Variants in STAM observed in about 807,000 individuals in gnomAD.
The protein encoded by STAM is signal transducing adaptor molecule, also known as signal transducing adapter molecule 1.
Under a neutral mutation model 63.4 loss-of-function variants are expected in STAM, and 16 were observed. That is an observed-to-expected ratio of 0.25 (90% CI 0.17 to 0.38). The LOEUF (loss-of-function observed/expected upper bound fraction) is 0.38. STAM is among the 10% of genes least tolerant of loss of function. The pLI, the probability that STAM is intolerant of heterozygous loss-of-function variation, is 1.00. For missense variants in STAM, 636 were observed against 657.1 expected (o/e 0.97, Z 0.35); for synonymous variants, 238 against 223.9 (o/e 1.06, Z -0.56).
chr10:17,696,864 A>C lies in STAM; in HGVS notation c.818A>C (p.Glu273Ala), dbSNP rs782713744. ...FVTADLTAEPEMIKTEKKTVQ... is the reference protein window; with the variant it reads ...FVTADLTAEPAMIKTEKKTVQ... ...ACTGCAGATCTCACTGCTGAACCAG[A>C]AATGAGTAAGTATTTTCCAGCCTGC... The change falls in exon 8 of 14, where the codon GAA (glutamate) becomes GCA (alanine). Residue 273 changes from glutamate (E) to alanine (A), a missense_variant. Coordinates refer to ENST00000377524, the MANE Select transcript of STAM (RefSeq NM_003473.4). 6 of 1,609,578 alleles carry C rather than the reference A, an allele frequency of 3.7e-6. No homozygotes were observed. Among genetic ancestry groups the C allele is most frequent in the Non-Finnish European group, 5.1e-6 (6 of 1,175,942 alleles).
chr10:17,656,123 C>G (rs907465622), intron 1 of STAM, among the ~76,000 whole-genome samples: 14 of 151,856 alleles, frequency 9.2e-5, no homozygotes, highest in Admixed American at 7.9e-4. Flanking sequence ...TGAAACCCGT[C>G]TCTACTAAAA....
At chr10:17,691,458 C>T (rs11813361) in intron 5 of STAM, among the ~76,000 whole-genome samples, 1 of 152,170 alleles carries the variant, frequency 6.6e-6, no homozygotes, top group Non-Finnish European at 1.5e-5. Context: ...GCGGAGCTTG[C>T]AGTGAGCCAA....
At chr10:17,694,918 A>G (rs1554827244) in intron 6 of STAM, 131 bp from the exon 7 acceptor site, 20 of 741,050 alleles carry the variant, frequency 2.7e-5, no homozygotes, top group Non-Finnish European at 4.1e-5. Context: ...TGTTCAATGT[A>G]TCAGGATATG....
intron 6 of STAM, among the ~76,000 whole-genome samples, chr10:17,693,624 A>C (rs1035750605): frequency 6.6e-6 from 1 of 152,192 alleles, no homozygotes; most frequent in Non-Finnish European, 1.5e-5. Flanking sequence ...TTCTCATGCA[A>C]CATTATGTTT....
At chr10:17,647,682 G>A (rs895577880) in intron 1 of STAM, among the ~76,000 whole-genome samples, 1 of 152,114 alleles carries the variant, frequency 6.6e-6, no homozygotes, top group African/African-American at 2.4e-5. Context: ...GAATATAAGA[G>A]TAATAATAGT....
At chr10:17,653,230 C>T (rs1357749232) in intron 1 of STAM, among the ~76,000 whole-genome samples, 1 of 152,132 alleles carries the variant, frequency 6.6e-6, no homozygotes, top group Non-Finnish European at 1.5e-5. Flanking sequence ...TTGTAGAATC[C>T]ATGAAGGTAC....
In STAM at chr10:17,705,807, C is replaced by T. The variant is rs1327320116; in HGVS notation, c.1209+66C>T. ...GCACAGTGAGGTGTGGTAGCTCATG[C>T]CTGTAATCTCAGCAATTTGGGAGGC... On this transcript the variant is annotated intron_variant, in intron 12 of 13. Coordinates refer to ENST00000377524, the MANE Select transcript of STAM (RefSeq NM_003473.4). The T allele has an allele frequency of 2.3e-5, 35 of 1,491,276 alleles. 1 individual carries two copies. In the South Asian group the frequency reaches 3.2e-4, roughly 14 times the overall value. 92.4% of individuals were successfully genotyped at this position (1,491,276 alleles called of 1,614,324 possible).
intron 4 of STAM, 57 bp downstream of exon 4, chr10:17,684,984 T>G: frequency 7.0e-7 from 1 of 1,428,942 alleles, no homozygotes; most frequent in East Asian, 2.3e-5. Flanking sequence ...TCACATATTT[T>G]ATTGTTTAAA....
chr10:17,692,165 C>T (rs1483057533), intron 5 of STAM, among the ~76,000 whole-genome samples: 2 of 152,182 alleles, frequency 1.3e-5, no homozygotes, highest in African/African-American at 2.4e-5. Flanking sequence ...TGCCCAGTGT[C>T]ATCCAGCTAG....
chr10:17,693,520 C>A (rs1835632451), intron 6 of STAM, among the ~76,000 whole-genome samples: 1 of 152,166 alleles, frequency 6.6e-6, no homozygotes, highest in Non-Finnish European at 1.5e-5. Flanking sequence ...TTTTACTATA[C>A]CGTGTATCCA....
chr10:17,644,509 C>T (rs1833443122), intron 1 of STAM, 130 bp downstream of exon 1: 5 of 1,111,532 alleles, frequency 4.5e-6, no homozygotes, highest in South Asian at 4.0e-5. Context: ...CCTGAGGCTC[C>T]CTCCTTCAGA....
At chr10:17,683,600 A>G (rs1256105993) in intron 2 of STAM, among the ~76,000 whole-genome samples, 3 of 151,890 alleles carry the variant, frequency 2.0e-5, no homozygotes, top group Non-Finnish European at 4.4e-5. Context: ...TTCTTACCTG[A>G]TTAATTCCAT....
intron 1 of STAM, among the ~76,000 whole-genome samples, chr10:17,659,681 T>C (rs1834086177): frequency 6.6e-6 from 1 of 152,038 alleles, no homozygotes; most frequent in Non-Finnish European, 1.5e-5. Context: ...CAGACTGGTC[T>C]CCAATTCCCA....
chr10:17,688,289 GT>G, intron 5 of STAM, 116 bp downstream of exon 5: 1 of 1,057,112 alleles, frequency 9.5e-7, no homozygotes, highest in Non-Finnish European at 1.3e-6. Flanking sequence ...AGGAATTTTC[GT>G]TAGCTAATTG....
At chr10:17,676,672 G>C (rs1554824680) in intron 2 of STAM, among the ~76,000 whole-genome samples, 1 of 151,902 alleles carries the variant, frequency 6.6e-6, no homozygotes, top group East Asian at 1.9e-4. Context: ...TATGCCTGCT[G>C]TTCCTCTGTT....
In STAM at chr10:17,663,613, G is replaced by A. The variant is rs187206153; in HGVS notation, c.125+3065G>A. Among the ~76,000 whole-genome samples the A allele has an allele frequency of 2.1e-4, 31 of 150,570 alleles. 1 individual carries two copies. The highest frequency in any genetic ancestry group is 7.3e-4 in the African/African-American group (30 of 40,904). ...AGTTTTGACTCCTTTAATAGTTATT[G>A]CTCTCTGGTTCTTTTAAATCCCCAT... On this transcript the variant is annotated intron_variant, in intron 2 of 13. Transcript: ENST00000377524.
Position 17,714,805 on chromosome 10 carries a change from G to T in STAM, c.*25G>T. The T allele has an allele frequency of 6.3e-7, 1 of 1,582,800 alleles. No homozygotes were observed. The highest frequency in any genetic ancestry group is 8.7e-7 in the Non-Finnish European group (1 of 1,151,436). ...GGACCCGGTGTTCCTCTTGGTGGCA[G>T]ATACCTGCTAAATGCCACTGACAAT... On this transcript the variant is annotated 3_prime_UTR_variant, in exon 14 of 14. Transcript: ENST00000377524.
Position 17,708,970 on chromosome 10 carries a change from C to G in STAM, c.1385+19C>G, listed in dbSNP as rs375316303. 44 of 1,610,582 alleles carry G rather than the reference C, an allele frequency of 2.7e-5. No individual in the cohort carries two copies. The African/African-American group carries it at 4.9e-4, about 18-fold the overall frequency. ...ACCCAAAGTAATTTTACTGTTGATT[C>G]TTGTTTGGAGTTAGTGCTGTTACAG... On this transcript the variant is annotated intron_variant, in intron 13 of 13. Transcript: ENST00000377524.
At position 17,657,849 on chromosome 10, in the gene STAM, CTTT is replaced by C. The variant is rs568800021; in HGVS notation, c.41-2605_41-2603del. Among the ~76,000 whole-genome samples, 89 of 144,538 alleles carry C rather than the reference CTTT, an allele frequency of 6.2e-4. No homozygotes were observed. In the South Asian group the frequency reaches 9.4e-3, roughly 15 times the overall value. The allele number at this position is 144,538 out of a possible 152,430, so 94.8% of individuals were successfully genotyped here. On this transcript the variant is annotated intron_variant, in intron 1 of 13. Transcript: ENST00000377524. ...TATTAGTAATTGGTGTTTTCTCTCT[CTTT>C]TTTTTTTTTCCTTAGTTTAGCTTGG...
Sources: gnomAD v4.1 joint callset for allele counts (sites outside exome capture counted in the v4.1 genomes callset) on GRCh38, gnomAD v4.1.1 for gene constraint, MANE v1.5 for transcripts, NCBI Gene and HGNC (gene_info 2026-07-23, HGNC 2026-07-21) for gene names.